The following KIAA1217 variants were observed in gnomAD, a reference collection of about 807,000 sequenced individuals.
KIAA1217 encodes sickle tail protein homolog.
A neutral mutation model predicts 163.9 loss-of-function variants in KIAA1217; 88 were observed. That is an observed-to-expected ratio of 0.54 (90% CI 0.45 to 0.64). KIAA1217 has a LOEUF of 0.64. Ranked by LOEUF, KIAA1217 falls within the 30% of genes least tolerant of loss-of-function variation. The pLI is 0.00. For synonymous variants in KIAA1217, 903 were observed against 923.1 expected (o/e 0.98, Z 0.39); for missense variants, 2,372 against 2,475.0 (o/e 0.96, Z 0.88).
At chr10:24,020,477 T>A (rs1847685323) in intron 2 of KIAA1217, among the ~76,000 whole-genome samples, 1 of 152,016 alleles carries the variant, frequency 6.6e-6, no homozygotes, top group South Asian at 2.1e-4. Flanking sequence ...AACGAAGAGA[T>A]CTTGGAAGAA....
chr10:24,329,311 A>C (rs2133493575), intron 2 of KIAA1217, among the ~76,000 whole-genome samples: 1 of 150,266 alleles, frequency 6.7e-6, no homozygotes, highest in Admixed American at 6.7e-5. Flanking sequence ...CAGAAGTATA[A>C]ATATGTATAC....
intron 2 of KIAA1217, among the ~76,000 whole-genome samples, chr10:24,318,202 G>A (rs901984359): frequency 3.3e-5 from 5 of 152,166 alleles, no homozygotes; most frequent in Non-Finnish European, 1.5e-5. Flanking sequence ...TAGGTAGGTA[G>A]ATGATAGATA....
intron 1 of KIAA1217, among the ~76,000 whole-genome samples, chr10:23,726,971 A>T (rs113719211): frequency 7.2e-5 from 10 of 138,050 alleles, no homozygotes; most frequent in South Asian, 2.3e-4. Context: ...TGCCATTTGT[A>T]TAGGCCTCTT....
At chr10:23,920,342 T>C (rs1040702124) in intron 1 of KIAA1217, among the ~76,000 whole-genome samples, 2 of 152,166 alleles carry the variant, frequency 1.3e-5, no homozygotes, top group Non-Finnish European at 2.9e-5. Context: ...ACTTTTAGCT[T>C]CTCTGTCCTT....
chr10:24,186,741 A>C (rs2066449793), intron 2 of KIAA1217, among the ~76,000 whole-genome samples: 1 of 152,160 alleles, frequency 6.6e-6, no homozygotes, highest in Admixed American at 6.5e-5. Context: ...AAATGCAAAA[A>C]TTAGCCAGCA....
chr10:24,394,980 G>A (rs1169440380), intron 3 of KIAA1217, among the ~76,000 whole-genome samples: 1 of 152,152 alleles, frequency 6.6e-6, no homozygotes, highest in Non-Finnish European at 1.5e-5. Context: ...TAGGTCTAGG[G>A]TGGGACCTCA....
At chr10:23,966,349 T>C (rs903251131) in intron 1 of KIAA1217, among the ~76,000 whole-genome samples, 2 of 152,120 alleles carry the variant, frequency 1.3e-5, no homozygotes, top group African/African-American at 2.4e-5. Flanking sequence ...GTAATGGGAC[T>C]CTGAAGTCTC....
chr10:23,960,718 A>G (rs1293432274), intron 1 of KIAA1217, among the ~76,000 whole-genome samples: 1 of 152,246 alleles, frequency 6.6e-6, no homozygotes, highest in Non-Finnish European at 1.5e-5. Context: ...CAATAAATAA[A>G]TGGAATCAAT....
chr10:24,206,773 T>G (rs534452706), upstream of KIAA1217, among the ~76,000 whole-genome samples: 22 of 152,308 alleles, frequency 1.4e-4, no homozygotes, highest in African/African-American at 5.1e-4. Flanking sequence ...TCACAGAGTT[T>G]TGTTTCCTGG....
At chr10:24,346,977 T>C (rs1289841762) in intron 2 of KIAA1217, among the ~76,000 whole-genome samples, 1 of 152,204 alleles carries the variant, frequency 6.6e-6, no homozygotes, top group Non-Finnish European at 1.5e-5. Context: ...CCTCATTAAA[T>C]TGTTACTATT....
At chr10:24,456,932 C>T (rs964687102) in intron 5 of KIAA1217, among the ~76,000 whole-genome samples, 15 of 151,910 alleles carry the variant, frequency 9.9e-5, no homozygotes, top group Non-Finnish European at 1.8e-4. Context: ...GAATTCCTAA[C>T]CTCAAATGAT....
intron 1 of KIAA1217, among the ~76,000 whole-genome samples, chr10:23,727,010 C>T (rs1248334729): frequency 5.3e-5 from 4 of 75,090 alleles, no homozygotes; most frequent in African/African-American, 3.1e-4. Context: ...TTTTTTGAGA[C>T]AGAGTCTTGC....
chr10:23,828,809 T>C (rs1250657289), intron 1 of KIAA1217, among the ~76,000 whole-genome samples: 1 of 152,170 alleles, frequency 6.6e-6, no homozygotes, highest in Non-Finnish European at 1.5e-5. Context: ...AGAAACTGAG[T>C]GTATAGCAAC....
chr10:23,990,395 G>A (rs1198664222), intron 1 of KIAA1217, among the ~76,000 whole-genome samples: 3 of 151,964 alleles, frequency 2.0e-5, no homozygotes, highest in African/African-American at 7.2e-5. Context: ...AATCATTTTT[G>A]TCTCTTTTCA....
intron 2 of KIAA1217, among the ~76,000 whole-genome samples, chr10:24,034,657 G>T (rs139603117): frequency 6.6e-6 from 1 of 151,998 alleles, no homozygotes; most frequent in Non-Finnish European, 1.5e-5. Flanking sequence ...ATCAGGAGGC[G>T]GGGCAAAGGT....
At chr10:24,382,182 G>A (rs7093183) in intron 3 of KIAA1217, among the ~76,000 whole-genome samples, 3 of 151,700 alleles carry the variant, frequency 2.0e-5, no homozygotes, top group Non-Finnish European at 4.4e-5. Flanking sequence ...TTCTGATTTG[G>A]GTACTTGTGT....
At position 24,379,786 on chromosome 10, in the gene KIAA1217, C is replaced by T. The variant is rs57971643; in HGVS notation, c.355-1083C>T. Among the ~76,000 whole-genome samples the T allele has an allele frequency of 9.7e-3, 1,473 of 152,210 alleles. 47 individuals are homozygous for T. The East Asian group carries it at 0.099, about 10-fold the overall frequency. ...ATTAATAAGGCCGGGCATGGTAGCT[C>T]GCACCTTGGAATCCCAGCACTTTGG... is the stretch of plus-strand genomic sequence containing the variant. On this transcript the variant is annotated intron_variant, in intron 2 of 20. Coordinates refer to ENST00000376454, the MANE Select transcript of KIAA1217 (RefSeq NM_019590.5).
At chr10:24,260,752 AAAG>A (rs1290043892) in intron 2 of KIAA1217, among the ~76,000 whole-genome samples, 2 of 152,142 alleles carry the variant, frequency 1.3e-5, no homozygotes, top group African/African-American at 2.4e-5. Flanking sequence ...CTTAAAAAAA[AAAG>A]GAGAAAGATA....
At chr10:24,295,846 A>T (rs908002254) in intron 2 of KIAA1217, among the ~76,000 whole-genome samples, 10 of 152,206 alleles carry the variant, frequency 6.6e-5, no homozygotes, top group African/African-American at 2.4e-4. Context: ...CTGAGCCAGG[A>T]GTAATTAATT....
Sources: allele counts gnomAD v4.1 joint callset (sites outside exome capture counted in the v4.1 genomes callset), GRCh38; gene constraint gnomAD v4.1.1; transcripts MANE v1.5; gene names NCBI Gene and HGNC (gene_info 2026-07-23, HGNC 2026-07-21).